SREBF2: variants seen among roughly 807,000 people sequenced by gnomAD.
SREBF2 encodes sterol regulatory element binding transcription factor 2.
A neutral mutation model predicts 113.1 loss-of-function variants in SREBF2; 55 were observed. The ratio of observed to expected loss-of-function variants is 0.49; its 90% confidence interval spans 0.39 to 0.61. The LOEUF (loss-of-function observed/expected upper bound fraction) is 0.61, where lower values mean the gene tolerates loss of function less well. SREBF2 is among the 20% of genes least tolerant of loss of function. SREBF2 has a pLI of 0.00. For missense variants in SREBF2, 1,349 were observed against 1,487.4 expected (o/e 0.91, Z 1.53); for synonymous variants, 593 against 605.7 (o/e 0.98, Z 0.31).
chr22:41,879,893 G>A (rs1021096736), intron 9 of SREBF2, among the ~76,000 whole-genome samples: 2 of 152,170 alleles, frequency 1.3e-5, no homozygotes, highest in Admixed American at 1.3e-4. Context: ...GGGTAGTTTA[G>A]CTGTGAGTTT....
rs2077507970 is a variant in SREBF2 at position 41,906,237 on chromosome 22, A to G, written c.*577A>G. On this transcript the variant is annotated 3_prime_UTR_variant, in exon 19 of 19. Coordinates refer to ENST00000361204, the MANE Select transcript of SREBF2 (RefSeq NM_004599.4). Reference sequence around the variant, plus strand: ...CCTGCTCATTGTTTTTCCCTTTATTACACAGGACAGCCAGGGGAGGAGGGG... The same window carrying G: ...CCTGCTCATTGTTTTTCCCTTTATTGCACAGGACAGCCAGGGGAGGAGGGG... 1 of 324,440 alleles carries G rather than the reference A, an allele frequency of 3.1e-6. No homozygotes were observed. The allele number at this position is 324,440 out of a possible 1,614,324, so 20.1% of individuals were successfully genotyped here.
At chr22:41,853,801 C>T (rs1181880263) in intron 1 of SREBF2, among the ~76,000 whole-genome samples, 4 of 151,942 alleles carry the variant, frequency 2.6e-5, no homozygotes, top group Admixed American at 6.6e-5. Context: ...TTTGGGAGGC[C>T]GCGGCAGGTG....
At chr22:41,869,882 C>A (rs1169110338) in intron 3 of SREBF2, among the ~76,000 whole-genome samples, 1 of 142,670 alleles carries the variant, frequency 7.0e-6, no homozygotes, top group African/African-American at 2.6e-5. Context: ...TTTTGAGAGT[C>A]TTGCTCTGTC....
At chr22:41,854,603 T>C (rs900279829) in intron 1 of SREBF2, among the ~76,000 whole-genome samples, 17 of 151,890 alleles carry the variant, frequency 1.1e-4, no homozygotes, top group Admixed American at 1.1e-3. Flanking sequence ...GGGTGGTGGC[T>C]CATTCCTATA....
In SREBF2 at chr22:41,891,851, A is replaced by G. The variant is rs147970142; in HGVS notation, c.2209-1266A>G. ...GGGGAGTGGTTATGGGTTGGAAGTC[A>G]TGGGTGTTAGTGTGAAAATACCCTC... is the stretch of plus-strand genomic sequence containing the variant. On this transcript the variant is annotated intron_variant, in intron 11 of 18. Transcript: ENST00000361204. Among the ~76,000 whole-genome samples the G allele has an allele frequency of 5.3e-4, 80 of 152,284 alleles. No homozygotes were observed. The East Asian group carries it at 0.015, about 28-fold the overall frequency.
rs2077208141 is a variant in SREBF2, at chr22:41,877,566, T to G, written c.1579+145T>G. 11 of 972,406 alleles carry G rather than the reference T, an allele frequency of 1.1e-5. No homozygotes were observed. The South Asian group carries it at 1.4e-4, about 13-fold the overall frequency. 60.2% of individuals were successfully genotyped at this position (972,406 alleles called of 1,614,324 possible). A position where few individuals can be genotyped will look rare whatever the true frequency, so the allele number is the denominator to read the frequency against. On this transcript the variant is annotated intron_variant, in intron 8 of 18. Transcript: ENST00000361204. Reference sequence around the variant, plus strand: ...CCACCTGCTTGCTTCTGATAGGGACTGGCATAAGTTCCATTTTAGAAGTAA... The same window carrying G: ...CCACCTGCTTGCTTCTGATAGGGACGGGCATAAGTTCCATTTTAGAAGTAA...
At chr22:41,901,687 A>C (rs909675223) in intron 16 of SREBF2, among the ~76,000 whole-genome samples, 1 of 152,154 alleles carries the variant, frequency 6.6e-6, no homozygotes, top group South Asian at 2.1e-4. Context: ...GGGGTGCCCA[A>C]ATGCCCTGGG....
chr22:41,841,453 C>T (rs1341597842), intron 1 of SREBF2, among the ~76,000 whole-genome samples: 1 of 152,140 alleles, frequency 6.6e-6, no homozygotes, highest in Non-Finnish European at 1.5e-5. Context: ...CAGATCACGG[C>T]ACTAGAGTCC....
At chr22:41,854,308 C>T (rs1176981425) in intron 1 of SREBF2, among the ~76,000 whole-genome samples, 2 of 151,132 alleles carry the variant, frequency 1.3e-5, no homozygotes, top group Non-Finnish European at 2.9e-5. Flanking sequence ...ATTACAGGCA[C>T]CCACCCCCAC....
chr22:41,900,927 T>C (rs1306209504), intron 16 of SREBF2: 3 of 536,936 alleles, frequency 5.6e-6, no homozygotes, highest in Non-Finnish European at 1.1e-5. Context: ...GCTGGCCGCA[T>C]ACCTCCTGGC....
intron 11 of SREBF2, among the ~76,000 whole-genome samples, chr22:41,885,357 C>T (rs189115565): frequency 1.3e-5 from 2 of 152,318 alleles, no homozygotes; most frequent in Non-Finnish European, 1.5e-5. Context: ...CATAAAAATT[C>T]TTAGAATCCC....
intron 7 of SREBF2, among the ~76,000 whole-genome samples, chr22:41,876,325 G>T (rs1055232226): frequency 6.6e-6 from 1 of 152,152 alleles, no homozygotes; most frequent in African/African-American, 2.4e-5. Context: ...AAAGCACAAA[G>T]TTCCCTCCTA....
chr22:41,905,968 T>TCTCTCTCCTGAACCCTA lies in SREBF2; in HGVS notation c.*318_*334dup. The TCTCTCTCCTGAACCCTA allele has an allele frequency of 1.7e-6, 1 of 602,214 alleles. No individual in the cohort carries two copies. The highest frequency in any genetic ancestry group is 3.1e-6 in the Non-Finnish European group (1 of 321,082). 37.3% of individuals were successfully genotyped at this position (602,214 alleles called of 1,614,324 possible). ...CCCCTGCCTCCAGCCTTCCTGAGTT[T>TCTCTCTCCTGAACCCTA]CTCTCTCCTGAACCCTACTCTCTCC... On this transcript the variant is annotated 3_prime_UTR_variant, in exon 19 of 19. Coordinates refer to ENST00000361204, the MANE Select transcript of SREBF2 (RefSeq NM_004599.4).
chr22:41,880,303 A>G (rs1280775523), intron 9 of SREBF2, among the ~76,000 whole-genome samples: 2 of 151,622 alleles, frequency 1.3e-5, no homozygotes, highest in Non-Finnish European at 2.9e-5. Flanking sequence ...TGTAATCCCA[A>G]CACTTTGGAA....
At chr22:41,854,464 G>A (rs2076960033) in intron 1 of SREBF2, among the ~76,000 whole-genome samples, 1 of 151,830 alleles carries the variant, frequency 6.6e-6, no homozygotes, top group Non-Finnish European at 1.5e-5. Flanking sequence ...GCCCGGCCTG[G>A]CTTTTGTTTT....
chr22:41,899,233 C>G (rs2148418079), intron 15 of SREBF2: 2 of 1,082,438 alleles, frequency 1.8e-6, no homozygotes, highest in African/African-American at 3.3e-5. Flanking sequence ...CACTTTCCTT[C>G]CAGCCACCTC....
chr22:41,885,052 C>T, intron 11 of SREBF2, 41 bp downstream of exon 11: 1 of 1,610,084 alleles, frequency 6.2e-7, no homozygotes. Context: ...CTCCCCTGAG[C>T]ACTTACCTAG....
rs1602303058 is a variant in SREBF2, at chr22:41,867,217, A to G, written c.475A>G (p.Thr159Ala). 1 of 1,614,030 alleles carries G rather than the reference A, an allele frequency of 6.2e-7. No individual in the cohort carries two copies. The highest frequency in any genetic ancestry group is 8.5e-7 in the Non-Finnish European group (1 of 1,180,012). ...TVMITPTFSTTPQTRIIQQPL... is the reference protein window; with the variant it reads ...TVMITPTFSTAPQTRIIQQPL... ...AATGATCACGCCAACATTCAGCACC[A>G]CTCCGCAGACGAGGATCATCCAGCA... Residue 159 changes from threonine to alanine, a missense_variant, in exon 2 of 19, where the codon ACT becomes GCT. By Grantham distance (58) the Thr-to-Ala change is moderately conservative. This residue lies in a region of SREBF2 where 699 missense variants were observed against 843.3 expected (regional missense o/e 0.83). Coordinates refer to ENST00000361204, the MANE Select transcript of SREBF2 (RefSeq NM_004599.4).
rs1245570826 is a variant in SREBF2, at chr22:41,889,716, AG to A, written c.2209-3400del. On this transcript the variant is annotated intron_variant, in intron 11 of 18. Transcript: ENST00000361204. ...ATGTCTCTATTAAAAAAAAAAAAAA[AG>A]AGGTTGGGCACGGTGGCTCATACCT... Among the ~76,000 whole-genome samples, 141 of 103,162 alleles carry A rather than the reference AG, an allele frequency of 1.4e-3. 2 individuals carry two copies. The highest frequency in any genetic ancestry group is 6.1e-3 in the African/African-American group (128 of 21,146). 67.7% of individuals were successfully genotyped at this position (103,162 alleles called of 152,430 possible).
Sources: allele counts gnomAD v4.1 joint callset (sites outside exome capture counted in the v4.1 genomes callset), GRCh38; gene constraint gnomAD v4.1.1; regional missense constraint gnomAD v4.1.1; transcripts MANE v1.5; gene names NCBI Gene and HGNC (gene_info 2026-07-23, HGNC 2026-07-21).